PLCD3: variants seen among roughly 807,000 people sequenced by gnomAD.
PLCD3 encodes phospholipase C delta 3.
Under a neutral mutation model 82.8 loss-of-function variants are expected in PLCD3, and 62 were observed. That is an observed-to-expected ratio of 0.75 (90% CI 0.61 to 0.93). PLCD3 has a LOEUF of 0.93. Among genes scored for constraint, PLCD3 ranks in the 40% least tolerant of loss-of-function variants. The pLI is 0.00. For synonymous variants in PLCD3, 478 were observed against 471.8 expected (o/e 1.01, Z -0.17); for missense variants, 1,023 against 1,103.4 (o/e 0.93, Z 1.03).
rs574299807 is a variant in PLCD3, at chr17:45,111,951, T to A, written c.*665A>T. On this transcript the variant is annotated 3_prime_UTR_variant, in exon 15 of 15. Coordinates refer to ENST00000619929, the MANE Select transcript of PLCD3 (RefSeq NM_133373.5). Reference sequence around the variant, plus strand: ...TACTCAGGAGGCTGAGATGGGAGGATCGCTTGAGCCTGGGAGTTCAAAGCT... The same window carrying A: ...TACTCAGGAGGCTGAGATGGGAGGAACGCTTGAGCCTGGGAGTTCAAAGCT... 6.6e-6 allele frequency: 1 copy of A among 151,830 alleles called. No homozygotes were observed. The highest frequency in any genetic ancestry group is 2.1e-4 in the South Asian group (1 of 4,848). 9.4% of individuals were successfully genotyped at this position (151,830 alleles called of 1,614,324 possible).
intron 1 of PLCD3, among the ~76,000 whole-genome samples, chr17:45,122,148 C>G (rs2054346711): frequency 6.6e-6 from 1 of 152,122 alleles, no homozygotes; most frequent in Non-Finnish European, 1.5e-5. Context: ...TTCCCAAAGA[C>G]AAGGAGGACA....
chr17:45,121,054 C>G lies in PLCD3; in HGVS notation c.402G>C (p.Ala134=), dbSNP rs1230231129. The part of the protein sequence containing the change: ...EGLRRFGGAF[A]PARCLTIAFK... ...AGGCGATGGTGAGGCAGCGCGCTGG[C>G]GCGAAGGCACCCCCGAAGCGCCGCA... Residue 134 remains alanine, a synonymous_variant, in exon 3 of 15, where the codon GCG becomes GCC. Transcript: ENST00000619929. 6.5e-7 allele frequency: 1 copy of G among 1,540,502 alleles called. No individual in the cohort carries two copies. Among genetic ancestry groups the G allele is most frequent in the Non-Finnish European group, 8.7e-7 (1 of 1,151,206 alleles).
chr17:45,115,203 G>A lies in PLCD3; in HGVS notation c.1602C>T (p.Tyr534=). 1 of 1,579,858 alleles carries A rather than the reference G, an allele frequency of 6.3e-7. No individual in the cohort carries two copies. Residue 534 remains tyrosine, a synonymous_variant, in exon 10 of 15, where the codon TAC becomes TAT. Coordinates refer to ENST00000619929, the MANE Select transcript of PLCD3 (RefSeq NM_133373.5). ...ISPELSALAV[Y]CHATRLRTLH... The stretch of plus-strand genomic sequence containing the variant: ...GGGTCCGCAGGCGGGTGGCGTGGCA[G>A]TACACAGCCAGGGCCGACAGCTCCG...
rs114974200 is a variant in PLCD3 at position 45,124,635 on chromosome 17, C to T, written c.164-3263G>A. On this transcript the variant is annotated intron_variant, in intron 1 of 14. Coordinates refer to ENST00000619929, the MANE Select transcript of PLCD3 (RefSeq NM_133373.5). ...GCTCAGGGCCAGGGCAGCGATGCTG[C>T]GAGGACCGTGGCTCTCCATCCAGCC... is the stretch of plus-strand genomic sequence containing the variant. Among the ~76,000 whole-genome samples, 17 of 152,356 alleles carry T rather than the reference C, an allele frequency of 1.1e-4. No individual in the cohort carries two copies. The East Asian group carries it at 1.9e-3, about 17-fold the overall frequency.
chr17:45,118,418 T>C lies in PLCD3; in HGVS notation c.988A>G (p.Asn330Asp). ...LLSPEGAALD[N>D]THTCVFQDMN... Reference sequence around the variant, plus strand: ...TCCTGGAACACACACGTGTGGGTGTTGTCCAAGGCAGCCCCCTCCGGCGAC... The same window carrying C: ...TCCTGGAACACACACGTGTGGGTGTCGTCCAAGGCAGCCCCCTCCGGCGAC... Residue 330 changes from asparagine to aspartate, a missense_variant, in exon 6 of 15, where the codon AAC (asparagine) becomes GAC (aspartate). By Grantham distance (23) the Asn-to-Asp change is conservative. Transcript: ENST00000619929. The surrounding 1 kb of genome is among the most constrained non-coding windows in gnomAD (Gnocchi z 4.1). 1.2e-6 allele frequency: 2 copies of C among 1,613,956 alleles called. No homozygotes were observed. The highest frequency in any genetic ancestry group is 1.7e-6 in the Non-Finnish European group (2 of 1,179,870).
At position 45,118,014 on chromosome 17, in the gene PLCD3, C is replaced by T. The variant is rs1344405340; in HGVS notation, c.1240G>A (p.Val414Met). ...KILFRDVVQA[V>M]RDHAFTLSPY... ...CTCACCGTGAAGGCATGGTCGCGCA[C>T]GGCTTGGACCACGTCCCGGAAGAGA... Residue 414 changes from valine to methionine, a missense_variant, in exon 7 of 15, where the codon GTG becomes ATG. Physicochemically the swap from Val to Met is conservative, Grantham distance 21. Transcript: ENST00000619929. This position sits in a 1 kb window ranked among gnomAD's most constrained non-coding sequence, Gnocchi z 4.1. 8.7e-6 allele frequency: 14 copies of T among 1,613,540 alleles called. No homozygotes were observed. The highest frequency in any genetic ancestry group is 5.5e-5 in the South Asian group (5 of 90,986).
At position 45,132,396 on chromosome 17, in the gene PLCD3, G is replaced by A; in HGVS notation, c.15C>T (p.Arg5=). 1 of 1,223,494 alleles carries A rather than the reference G, an allele frequency of 8.2e-7. No individual in the cohort carries two copies. The highest frequency in any genetic ancestry group is 1.0e-6 in the Non-Finnish European group (1 of 982,716). The allele number at this position is 1,223,494 out of a possible 1,614,324, so 75.8% of individuals were successfully genotyped here. The part of the protein sequence containing the change: MLCG[R]WRRCRRPPEE... ...CGGGCGGGCGGCGGCAACGCCTCCAGCGGCCGCACAGCATGGCTTGGCGGG... is the reference window on the plus strand; with the variant it reads ...CGGGCGGGCGGCGGCAACGCCTCCAACGGCCGCACAGCATGGCTTGGCGGG... Residue 5 remains arginine, a synonymous_variant, in exon 1 of 15, where the codon CGC becomes CGT. Transcript: ENST00000619929. The surrounding 1 kb of genome is among the most constrained non-coding windows in gnomAD (Gnocchi z 4.6).
In PLCD3 at chr17:45,132,485, G is replaced by GC. The variant is rs2054478732; in HGVS notation, c.-76dup. 1 of 946,946 alleles carries GC rather than the reference G, an allele frequency of 1.1e-6. No individual in the cohort carries two copies. The highest frequency in any genetic ancestry group is 5.0e-5 in the South Asian group (1 of 19,944). The allele number at this position is 946,946 out of a possible 1,614,324, so 58.7% of individuals were successfully genotyped here. Reference sequence around the variant, plus strand: ...GGCAGCGGGGCGCCGCTCTGGCCCGGCCCCGGCTCTGAGCGAGGCGGCGAG... The same window carrying GC: ...GGCAGCGGGGCGCCGCTCTGGCCCGGCCCCCGGCTCTGAGCGAGGCGGCGAG... On this transcript the variant is annotated 5_prime_UTR_variant, in exon 1 of 15. Coordinates refer to ENST00000619929, the MANE Select transcript of PLCD3 (RefSeq NM_133373.5). This position sits in a 1 kb window ranked among gnomAD's most constrained non-coding sequence, Gnocchi z 4.6.
chr17:45,122,586 T>C (rs2054350186), intron 1 of PLCD3, among the ~76,000 whole-genome samples: 1 of 152,196 alleles, frequency 6.6e-6, no homozygotes, highest in East Asian at 1.9e-4. Context: ...TTCCCAGTTA[T>C]TTAATACATG....
At chr17:45,113,962 T>C (rs1484675371) in intron 11 of PLCD3, among the ~76,000 whole-genome samples, 3 of 152,106 alleles carry the variant, frequency 2.0e-5, no homozygotes, top group African/African-American at 7.2e-5. Flanking sequence ...GAGCCCACCC[T>C]TGTCAGTGTT....
chr17:45,116,618 C>CT lies in PLCD3; in HGVS notation c.1413+13dup. 6.4e-7 allele frequency: 1 copy of CT among 1,562,212 alleles called. No homozygotes were observed. Among genetic ancestry groups the CT allele is most frequent in the Non-Finnish European group, 8.7e-7 (1 of 1,152,006 alleles). ...GACCTCCCTCCACCCAGGCTAGGGG[C>CT]TGGGGGGCGTCACCTCTGGGGATGG... On this transcript the variant is annotated intron_variant, in intron 8 of 14. Coordinates refer to ENST00000619929, the MANE Select transcript of PLCD3 (RefSeq NM_133373.5).
rs369652613 is a variant in PLCD3, at chr17:45,125,521, G to A, written c.164-4149C>T. ...CTAAGGCAGGAGAATGCTTGAACCC[G>A]GAAGGCAGAGGTTGCAGCGAGCTGA... On this transcript the variant is annotated intron_variant, in intron 1 of 14. Coordinates refer to ENST00000619929, the MANE Select transcript of PLCD3 (RefSeq NM_133373.5). 2.2e-4 allele frequency among the ~76,000 whole-genome samples: 34 copies of A among 152,354 alleles called. 2 individuals are homozygous for A. The highest frequency in any genetic ancestry group is 1.8e-3 in the Admixed American group (27 of 15,306).
At chr17:45,131,847 G>A (rs898503290) in intron 1 of PLCD3, among the ~76,000 whole-genome samples, 2 of 152,188 alleles carry the variant, frequency 1.3e-5, no homozygotes, top group Admixed American at 6.5e-5. Context: ...GAGGCCGACC[G>A]CAAACTCGCA....
At chr17:45,119,447 G>A (rs943546809) in intron 4 of PLCD3, among the ~76,000 whole-genome samples, 1 of 152,166 alleles carries the variant, frequency 6.6e-6, no homozygotes, top group Non-Finnish European at 1.5e-5. Context: ...TGTTGCCCAA[G>A]CTGATCTCAA....
intron 8 of PLCD3, among the ~76,000 whole-genome samples, chr17:45,116,169 T>C (rs1431900505): frequency 1.3e-5 from 2 of 152,142 alleles, no homozygotes; most frequent in African/African-American, 2.4e-5. Flanking sequence ...CGCTCTGGTG[T>C]CTGGGGGAGA....
At chr17:45,129,657 T>A (rs1352074980) in intron 1 of PLCD3, among the ~76,000 whole-genome samples, 1 of 152,158 alleles carries the variant, frequency 6.6e-6, no homozygotes, top group African/African-American at 2.4e-5. Context: ...TTAAGCAGGA[T>A]CAGGTCTGAT....
chr17:45,119,937 G>A (rs1260660016), intron 4 of PLCD3, among the ~76,000 whole-genome samples: 3 of 152,272 alleles, frequency 2.0e-5, no homozygotes, highest in African/African-American at 7.2e-5. Context: ...ACGTGCCACA[G>A]TGGAGGGTCT....
intron 4 of PLCD3, among the ~76,000 whole-genome samples, chr17:45,119,964 AC>A (rs199767875): frequency 0.019 from 2,922 of 152,342 alleles, 42 homozygotes; most frequent in Non-Finnish European, 0.028. Flanking sequence ...AGAAGGGTGC[AC>A]ACGTGTATCC....
Position 45,115,500 on chromosome 17 carries a change from C to A in PLCD3, c.1414-10G>T, listed in dbSNP as rs764133484. The A allele has an allele frequency of 2.5e-6, 4 of 1,603,202 alleles. No homozygotes were observed. Among genetic ancestry groups the A allele is most frequent in the Non-Finnish European group, 2.6e-6 (3 of 1,175,124 alleles). On this transcript the variant is annotated splice_polypyrimidine_tract_variant and intron_variant, in intron 8 of 14. Coordinates refer to ENST00000619929, the MANE Select transcript of PLCD3 (RefSeq NM_133373.5). Reference sequence around the variant, plus strand: ...CCCGGCCCTTCAGCTGCTGTGGGGGCCAACGTGGAGGATGAAGGGTTAGGC... The same window carrying A: ...CCCGGCCCTTCAGCTGCTGTGGGGGACAACGTGGAGGATGAAGGGTTAGGC...
Sources: allele counts gnomAD v4.1 joint callset (sites outside exome capture counted in the v4.1 genomes callset), GRCh38; gene constraint gnomAD v4.1.1; non-coding constraint Gnocchi (gnomAD v3.1); transcripts MANE v1.5; gene names NCBI Gene and HGNC (gene_info 2026-07-23, HGNC 2026-07-21).